The following ROBO2 variants were observed in gnomAD, a reference collection of about 807,000 sequenced individuals.
ROBO2 encodes roundabout homolog 2.
ROBO2 carries 53 observed loss-of-function variants against 160.8 expected under a neutral mutation model. The ratio of observed to expected loss-of-function variants is 0.33; its 90% CI spans 0.26 to 0.41. The LOEUF (loss-of-function observed/expected upper bound fraction) is 0.41, where lower values mean the gene tolerates loss of function less well. Ranked by LOEUF, ROBO2 falls within the 10% of genes least tolerant of loss-of-function variation. The pLI is 1.00. For missense variants in ROBO2, 1,577 were observed against 1,722.4 expected, an observed-to-expected ratio of 0.92 and a Z score of 1.49; for synonymous variants, 664 against 611.7, an observed-to-expected ratio of 1.09 and a Z score of -1.26.
At chr3:76,434,796 A>G (rs754552479) in intron 2 of ROBO2, 9 of 1,342,958 alleles carry the variant, frequency 6.7e-6, no homozygotes, top group Non-Finnish European at 9.7e-6. Context: ...TCAGGGGGAG[A>G]GCATCACACA....
At chr3:76,286,766 A>G (rs1397960765) in intron 2 of ROBO2, among the ~76,000 whole-genome samples, 1 of 152,324 alleles carries the variant, frequency 6.6e-6, no homozygotes, top group African/African-American at 2.4e-5. Flanking sequence ...TGGTAATGCA[A>G]ATAAGATGAG....
intron 2 of ROBO2, among the ~76,000 whole-genome samples, chr3:76,016,685 C>T (rs1287094020): frequency 1.3e-5 from 2 of 151,652 alleles, no homozygotes; most frequent in East Asian, 3.9e-4. Context: ...ATCTTCATGC[C>T]GTGGGCCATA....
At chr3:76,403,775 C>T (rs2077982713) in intron 2 of ROBO2, among the ~76,000 whole-genome samples, 1 of 151,548 alleles carries the variant, frequency 6.6e-6, no homozygotes, top group Non-Finnish European at 1.5e-5. Flanking sequence ...AGTGACTTTT[C>T]CTTTCATCCA....
chr3:77,285,543 T>A (rs1454159733), intron 2 of ROBO2, among the ~76,000 whole-genome samples: 1 of 152,226 alleles, frequency 6.6e-6, no homozygotes, highest in Non-Finnish European at 1.5e-5. Flanking sequence ...GAATACGTGA[T>A]GTTTGACAGA....
intron 2 of ROBO2, among the ~76,000 whole-genome samples, chr3:76,865,670 A>C (rs939734259): frequency 2.6e-5 from 4 of 152,110 alleles, no homozygotes; most frequent in African/African-American, 7.2e-5. Flanking sequence ...ATTGATATAA[A>C]TGTCACTGAT....
intron 20 of ROBO2, among the ~76,000 whole-genome samples, chr3:77,607,499 C>G (rs1222470713): frequency 1.3e-5 from 2 of 152,090 alleles, no homozygotes; most frequent in Non-Finnish European, 2.9e-5. Flanking sequence ...ATTATTTCCT[C>G]TAACAATGAA....
At chr3:76,834,792 C>T (rs964724038) in intron 2 of ROBO2, among the ~76,000 whole-genome samples, 2 of 152,240 alleles carry the variant, frequency 1.3e-5, no homozygotes, top group Admixed American at 1.3e-4. Flanking sequence ...AGCTATAGCA[C>T]ATCTATATAG....
chr3:77,112,182 G>T (rs1438619678), intron 2 of ROBO2, among the ~76,000 whole-genome samples: 2 of 127,772 alleles, frequency 1.6e-5, no homozygotes, highest in Non-Finnish European at 3.2e-5. Context: ...GTGACAGAGC[G>T]AGACTCGTCT....
rs569475883 is a variant in ROBO2 at position 76,675,829 on chromosome 3, A to G, written c.110-422185A>G. ...CAAATGTACAAAAGTCATGGGGAAG[A>G]CATAAATTCATGTTTGTTTCTGCAT... On this transcript the variant is annotated intron_variant, in intron 2 of 26. Coordinates refer to the ROBO2 transcript ENST00000487694. Among the ~76,000 whole-genome samples the G allele has an allele frequency of 2.2e-4, 34 of 152,316 alleles. No homozygotes were observed. In the Middle Eastern group the frequency reaches 0.01, roughly 46 times the overall value.
chr3:76,663,797 G>C (rs576333734), intron 2 of ROBO2, among the ~76,000 whole-genome samples: 422 of 152,132 alleles, frequency 2.8e-3, no homozygotes, highest in African/African-American at 9.9e-3. Flanking sequence ...CCAGCTACTC[G>C]GGAGGCTGAG....
chr3:76,758,402 T>G (rs1359584391), intron 2 of ROBO2, among the ~76,000 whole-genome samples: 1 of 151,796 alleles, frequency 6.6e-6, no homozygotes, highest in East Asian at 2.0e-4. Flanking sequence ...CTGGCTCCAT[T>G]GAGCTTCATG....
At chr3:77,149,376 G>A (rs1305492494) in intron 2 of ROBO2, among the ~76,000 whole-genome samples, 2 of 152,130 alleles carry the variant, frequency 1.3e-5, no homozygotes, top group South Asian at 4.1e-4. Flanking sequence ...TATGTGTGAA[G>A]ATAGTAGTAT....
At position 76,589,996 on chromosome 3, in the gene ROBO2, G is replaced by A. The variant is rs552606340; in HGVS notation, c.110-508018G>A. 1.2e-4 allele frequency among the ~76,000 whole-genome samples: 18 copies of A among 152,038 alleles called. 1 individual carries two copies. The highest frequency in any genetic ancestry group is 3.9e-4 in the African/African-American group (16 of 41,490). ...AGAGTAACAATTAAATGTATGTTCC[G>A]GATAATGAAAAATATGTAGGCTTAA... On this transcript the variant is annotated intron_variant, in intron 2 of 26. Transcript: ENST00000487694.
chr3:76,780,988 T>C (rs1422078279), intron 2 of ROBO2, among the ~76,000 whole-genome samples: 1 of 150,830 alleles, frequency 6.6e-6, no homozygotes, highest in East Asian at 1.9e-4. Context: ...GCTTTGAATC[T>C]ATAAATCACT....
intron 2 of ROBO2, among the ~76,000 whole-genome samples, chr3:77,416,837 G>A (rs1188675675): frequency 1.3e-5 from 2 of 151,858 alleles, no homozygotes; most frequent in East Asian, 3.9e-4. Context: ...GCTTTGACAC[G>A]TATTTAGAAA....
In ROBO2 at chr3:77,471,486, G is replaced by A. The variant is rs142021047; in HGVS notation, c.389-5928G>A. Among the ~76,000 whole-genome samples, 350 of 152,308 alleles carry A rather than the reference G, an allele frequency of 2.3e-3. 1 individual carries two copies. Among genetic ancestry groups the A allele is most frequent in the African/African-American group, 8.1e-3 (338 of 41,584 alleles). ...TGAGGGCCTTGGTTTCTTGCCAGCT[G>A]TTGGCTGGAAGCTGACTTCAGATCC... On this transcript the variant is annotated intron_variant, in intron 2 of 25. Coordinates refer to ENST00000461745, the Ensembl canonical transcript of ROBO2.
chr3:76,762,445 GTTTT>G (rs71104618), intron 2 of ROBO2, among the ~76,000 whole-genome samples: 1 of 140,182 alleles, frequency 7.1e-6, no homozygotes, highest in Non-Finnish European at 1.5e-5. Context: ...GAATCCAGCT[GTTTT>G]TTTTTTTTTT....
intron 2 of ROBO2, among the ~76,000 whole-genome samples, chr3:76,219,521 G>T (rs1703810822): frequency 6.6e-6 from 1 of 152,286 alleles, no homozygotes; most frequent in Non-Finnish European, 1.5e-5. Flanking sequence ...CGAAGGACAT[G>T]AACAGACACT....
chr3:76,924,600 C>A (rs2076864417), intron 2 of ROBO2, among the ~76,000 whole-genome samples: 1 of 152,180 alleles, frequency 6.6e-6, no homozygotes, highest in East Asian at 1.9e-4. Flanking sequence ...CTCTTACAAG[C>A]TAAAGGTTAC....
Sources: allele counts gnomAD v4.1 joint callset (sites outside exome capture counted in the v4.1 genomes callset), GRCh38; gene constraint gnomAD v4.1.1; transcripts MANE v1.5; gene names NCBI Gene and HGNC (gene_info 2026-07-23, HGNC 2026-07-21).